LCOR: variants seen among roughly 807,000 people sequenced by gnomAD.
LCOR encodes the protein ligand dependent nuclear receptor corepressor.
LCOR carries 14 observed loss-of-function variants against 64.4 expected under a neutral mutation model. The observed-to-expected ratio is 0.22, with a 90% CI of 0.14 to 0.34. The LOEUF is 0.34. Ranked by LOEUF, LCOR falls within the 10% of genes least tolerant of loss-of-function variation. The pLI is 1.00. For missense variants in LCOR, 1,686 were observed against 1,765.3 expected (o/e 0.96, Z 0.80); for synonymous variants, 643 against 642.5 (o/e 1.00, Z -0.01).
Position 96,944,093 on chromosome 10 carries a change from T to C in LCOR, c.-183-20T>C. 1 of 985,620 alleles carries C rather than the reference T, an allele frequency of 1.0e-6. No homozygotes were observed. Among genetic ancestry groups the C allele is most frequent in the Non-Finnish European group, 1.2e-6 (1 of 829,880 alleles). 61.1% of individuals were successfully genotyped at this position (985,620 alleles called of 1,614,324 possible). A position where few individuals can be genotyped will look rare whatever the true frequency, so the allele number is the denominator to read the frequency against. On this transcript the variant is annotated intron_variant, in intron 4 of 7. Coordinates refer to ENST00000421806, the MANE Select transcript of LCOR (RefSeq NM_001346516.2). ...TGGGGAAAGACGTGTGTGCAACTAT[T>C]TCACCAAGTATTTTTGCAGGGACAC... is the stretch of plus-strand genomic sequence containing the variant.
intron 7 of LCOR, among the ~76,000 whole-genome samples, chr10:96,965,538 T>A (rs989065113): frequency 1.3e-5 from 2 of 150,330 alleles, no homozygotes; most frequent in East Asian, 4.0e-4. Flanking sequence ...GGCGGGCGCC[T>A]GTAGTCCCAG....
intron 4 of LCOR, among the ~76,000 whole-genome samples, chr10:96,933,252 A>G (rs943779202): frequency 3.9e-5 from 6 of 152,190 alleles, no homozygotes; most frequent in African/African-American, 1.4e-4. Flanking sequence ...CTTTCTCTTT[A>G]TAGCTTTGTG....
At position 96,987,776 on chromosome 10, in the gene LCOR, A is replaced by G. The variant is rs761805096; in HGVS notation, c.*2642A>G. ...GGCTAATCCTGCAAGGCCCTTTGAT[A>G]CCTACAGCAGGTACTGGCAAAGCAG... On this transcript the variant is annotated 3_prime_UTR_variant, in exon 8 of 8. Coordinates refer to ENST00000421806, the MANE Select transcript of LCOR (RefSeq NM_001346516.2). 1.3e-5 allele frequency: 2 copies of G among 152,216 alleles called. No individual in the cohort carries two copies. Among genetic ancestry groups the G allele is most frequent in the African/African-American group, 2.4e-5 (1 of 41,456 alleles). 9.4% of individuals were successfully genotyped at this position (152,216 alleles called of 1,614,324 possible). A position where few individuals can be genotyped will look rare whatever the true frequency, so the allele number is the denominator to read the frequency against.
At chr10:96,921,963 G>T (rs1175892237) in intron 4 of LCOR, among the ~76,000 whole-genome samples, 1 of 152,200 alleles carries the variant, frequency 6.6e-6, no homozygotes, top group Non-Finnish European at 1.5e-5. Context: ...TTCTGGGAGG[G>T]ATTACTGTAG....
Position 96,991,022 on chromosome 10 carries a change from TAAAAAAAAAAAAA to T in LCOR, c.*5899_*5911del. On this transcript the variant is annotated 3_prime_UTR_variant, in exon 8 of 8. Transcript: ENST00000421806. ...TTTTACCCTTTTTTAAAGGGTTATG[TAAAAAAAAAAAAA>T]AAAAAAAAAAGCAACTATATGTGGC... 1.3e-5 allele frequency: 1 copy of T among 77,258 alleles called. No homozygotes were observed. Among genetic ancestry groups the T allele is most frequent in the East Asian group, 3.6e-4 (1 of 2,802 alleles). The allele number at this position is 77,258 out of a possible 1,614,324, so 4.8% of individuals were successfully genotyped here. A position where few individuals can be genotyped will look rare whatever the true frequency, so the allele number is the denominator to read the frequency against.
At chr10:96,955,978 G>A (rs2134534782) in intron 7 of LCOR, 2 of 1,545,740 alleles carry the variant, frequency 1.3e-6, no homozygotes, top group Middle Eastern at 1.7e-4. Context: ...CTGCATCATT[G>A]TTCAGCTATC....
intron 7 of LCOR, among the ~76,000 whole-genome samples, chr10:96,977,160 G>A (rs1163552908): frequency 2.6e-5 from 4 of 152,166 alleles, no homozygotes; most frequent in Non-Finnish European, 5.9e-5. Flanking sequence ...GAAAATTCAT[G>A]TACTTACCCC....
At position 96,980,824 on chromosome 10, in the gene LCOR, T is replaced by C; in HGVS notation, c.364T>C (p.Ser122Pro). ...CTCAACAGAGGCAAAAGCAGTAGAT[T>C]CTAACAATCAGTCGAAGTCCCCACT... ...ENSTEAKAVD[S>P]NNQSKSPLEK... Residue 122 changes from serine (S) to proline (P), a missense_variant, in exon 8 of 8, where the codon TCT becomes CCT. Physicochemically the swap from Ser to Pro is moderately conservative, Grantham distance 74. This residue lies in a region of LCOR where 313 missense variants were observed against 247.2 expected (regional missense o/e 1.27). Coordinates refer to ENST00000421806, the MANE Select transcript of LCOR (RefSeq NM_001346516.2). 2.8e-6 allele frequency: 2 copies of C among 702,860 alleles called. No individual in the cohort carries two copies. The highest frequency in any genetic ancestry group is 5.2e-6 in the Non-Finnish European group (2 of 384,900). The allele number at this position is 702,860 out of a possible 1,614,324, so 43.5% of individuals were successfully genotyped here.
chr10:96,952,304 A>T, intron 7 of LCOR, 108 bp downstream of exon 7: 1 of 681,816 alleles, frequency 1.5e-6, no homozygotes, highest in Non-Finnish European at 2.5e-6. Context: ...TAAGTAAGTC[A>T]TTTATAAATA....
chr10:96,910,243 A>G (rs1049404477), intron 4 of LCOR, among the ~76,000 whole-genome samples: 2 of 151,188 alleles, frequency 1.3e-5, no homozygotes, highest in Non-Finnish European at 2.9e-5. Flanking sequence ...AAAGTCATGA[A>G]ATGGTGAAGC....
chr10:96,948,103 T>TA (rs1847618931), intron 5 of LCOR, among the ~76,000 whole-genome samples: 1 of 152,226 alleles, frequency 6.6e-6, no homozygotes, highest in African/African-American at 2.4e-5. Context: ...CCTTTCATCT[T>TA]AACCTCTTTT....
intron 5 of LCOR, among the ~76,000 whole-genome samples, chr10:96,947,368 G>T (rs1410508270): frequency 6.6e-6 from 1 of 151,978 alleles, no homozygotes; most frequent in Non-Finnish European, 1.5e-5. Context: ...CGTCCTTTCG[G>T]GGGAAAAAAT....
At chr10:96,833,056 C>T (rs988551241) in intron 1 of LCOR, 7 of 986,184 alleles carry the variant, frequency 7.1e-6, no homozygotes, top group Non-Finnish European at 8.4e-6. Context: ...CCGCGGGGGG[C>T]AGCGGCTGCA....
chr10:96,941,310 G>C (rs1847468033), intron 4 of LCOR, among the ~76,000 whole-genome samples: 1 of 144,042 alleles, frequency 6.9e-6, no homozygotes, highest in East Asian at 2.1e-4. Context: ...CTCCCTCCCG[G>C]ACGGGGCGGC....
At chr10:96,833,665 A>G (rs1845388279) in intron 2 of LCOR, among the ~76,000 whole-genome samples, 186 bp downstream of exon 2, 1 of 152,336 alleles carries the variant, frequency 6.6e-6, no homozygotes, top group Non-Finnish European at 1.5e-5. Flanking sequence ...GAGGCCCAGA[A>G]TTCCAGCCCC....
At chr10:96,914,615 A>T (rs1199780671) in intron 4 of LCOR, among the ~76,000 whole-genome samples, 2 of 152,262 alleles carry the variant, frequency 1.3e-5, no homozygotes, top group African/African-American at 4.8e-5. Context: ...ACATGGGCAG[A>T]CAGTTGTTAA....
intron 2 of LCOR, among the ~76,000 whole-genome samples, chr10:96,893,138 G>T (rs1026493474): frequency 6.6e-6 from 1 of 151,928 alleles, no homozygotes; most frequent in Non-Finnish European, 1.5e-5. Flanking sequence ...ATTTGTAGCA[G>T]TCTATTTTGA....
intron 2 of LCOR, among the ~76,000 whole-genome samples, chr10:96,882,099 T>C (rs961041708): frequency 6.6e-6 from 1 of 152,198 alleles, no homozygotes; most frequent in Non-Finnish European, 1.5e-5. Context: ...TATTAATTAT[T>C]CGAACTAATA....
chr10:96,833,234 G>T, intron 1 of LCOR, 172 bp from the exon 2 acceptor site: 1 of 974,766 alleles, frequency 1.0e-6, no homozygotes, highest in Non-Finnish European at 1.2e-6. Flanking sequence ...GGCCGGAGCC[G>T]CAGCCTCGCC....
Sources: allele counts gnomAD v4.1 joint callset (sites outside exome capture counted in the v4.1 genomes callset), GRCh38; gene constraint gnomAD v4.1.1; regional missense constraint gnomAD v4.1.1; transcripts MANE v1.5; gene names NCBI Gene and HGNC (gene_info 2026-07-23, HGNC 2026-07-21).